The following SLC9A9 variants were observed in gnomAD, a reference collection of about 807,000 sequenced individuals.
The protein encoded by SLC9A9 is solute carrier family 9 member A9, also known as sodium/hydrogen exchanger 9.
A neutral mutation model predicts 77.8 loss-of-function variants in SLC9A9; 62 were observed. The ratio of observed to expected loss-of-function variants is 0.80; its 90% CI spans 0.65 to 0.98. SLC9A9 has a LOEUF of 0.98. Ranked by LOEUF, SLC9A9 falls within the 50% of genes least tolerant of loss-of-function variation. The probability of loss-of-function intolerance (pLI) is 0.00; values close to 1 mark genes in which losing one functional copy is unlikely to be tolerated. For missense variants in SLC9A9, 775 were observed against 774.9 expected, an observed-to-expected ratio of 1.00 and a Z score of 0.00; for synonymous variants, 320 against 283.5, an observed-to-expected ratio of 1.13 and a Z score of -1.29.
intron 5 of SLC9A9, among the ~76,000 whole-genome samples, chr3:143,664,454 G>C (rs1159422273): frequency 6.6e-6 from 1 of 152,196 alleles, no homozygotes; most frequent in Non-Finnish European, 1.5e-5. Flanking sequence ...ACATCATACT[G>C]ACAGGACCAA....
intron 4 of SLC9A9, among the ~76,000 whole-genome samples, chr3:143,702,095 A>C (rs773759622): frequency 5.3e-5 from 8 of 152,196 alleles, no homozygotes; most frequent in Non-Finnish European, 1.0e-4. Context: ...CAGGAGAAAT[A>C]AAGACTTTCT....
intron 5 of SLC9A9, among the ~76,000 whole-genome samples, chr3:143,680,158 A>G (rs1933038370): frequency 6.6e-6 from 1 of 152,172 alleles, no homozygotes; most frequent in Non-Finnish European, 1.5e-5. Flanking sequence ...AGAATAAAAA[A>G]GAAAATAACT....
chr3:143,667,001 CA>C (rs1405741285), intron 5 of SLC9A9, among the ~76,000 whole-genome samples: 5 of 151,998 alleles, frequency 3.3e-5, no homozygotes, highest in East Asian at 3.9e-4. Context: ...CATATGGAAC[CA>C]AAAAAGAGCC....
At chr3:143,773,134 A>T (rs773800541) in intron 4 of SLC9A9, among the ~76,000 whole-genome samples, 132 of 152,206 alleles carry the variant, frequency 8.7e-4, no homozygotes, top group Non-Finnish European at 1.7e-3. Flanking sequence ...GTTGTATATT[A>T]ATCTTCACTG....
intron 6 of SLC9A9, among the ~76,000 whole-genome samples, chr3:143,612,462 G>C (rs574041472): frequency 6.6e-6 from 1 of 152,248 alleles, no homozygotes; most frequent in African/African-American, 2.4e-5. Context: ...TGATCTTCAG[G>C]GTGGTACCCC....
At chr3:143,655,246 G>A (rs9822605) in intron 5 of SLC9A9, among the ~76,000 whole-genome samples, 78,840 of 151,988 alleles carry the variant, frequency 0.52, 20,525 homozygotes, top group Non-Finnish European at 0.54. Flanking sequence ...CAGCACCTCC[G>A]CAGGAGAGAA....
chr3:143,730,693 T>A (rs978492821), intron 4 of SLC9A9, among the ~76,000 whole-genome samples: 1 of 152,208 alleles, frequency 6.6e-6, no homozygotes, highest in Non-Finnish European at 1.5e-5. Context: ...ATTTCCAATT[T>A]ATCTTCATAA....
intron 2 of SLC9A9, among the ~76,000 whole-genome samples, chr3:143,805,972 G>T (rs1329550635): frequency 6.6e-6 from 1 of 152,048 alleles, no homozygotes; most frequent in Non-Finnish European, 1.5e-5. Flanking sequence ...TCTGCTCTTT[G>T]CTGGGTAATC....
chr3:143,750,657 A>G (rs1189604995), intron 4 of SLC9A9, among the ~76,000 whole-genome samples: 1 of 151,558 alleles, frequency 6.6e-6, no homozygotes, highest in Non-Finnish European at 1.5e-5. Flanking sequence ...CTTGTTGAGT[A>G]CTAATAACTG....
intron 14 of SLC9A9, among the ~76,000 whole-genome samples, chr3:143,304,167 T>C (rs1458732595): frequency 1.3e-5 from 2 of 152,212 alleles, no homozygotes; most frequent in African/African-American, 4.8e-5. Context: ...AACTTCATAA[T>C]AGGTCTGCTT....
chr3:143,788,939 A>G (rs541726387), intron 4 of SLC9A9, among the ~76,000 whole-genome samples: 1 of 152,278 alleles, frequency 6.6e-6, no homozygotes, highest in African/African-American at 2.4e-5. Context: ...TTTATTAACA[A>G]CCAAGGAAAT....
At chr3:143,681,386 CTT>C (rs1483399687) in intron 5 of SLC9A9, among the ~76,000 whole-genome samples, 2 of 152,084 alleles carry the variant, frequency 1.3e-5, no homozygotes, top group Non-Finnish European at 2.9e-5. Flanking sequence ...ATTTTATTCT[CTT>C]ATAATGTATC....
At position 143,490,543 on chromosome 3, in the gene SLC9A9, T is replaced by C. The variant is rs116551654; in HGVS notation, c.1315+3110A>G. Reference sequence around the variant, plus strand: ...GAGGGGGAATGAACTGTTCAATGGGTATAGAGTTTCAGTTTTACAAGACGA... The same window carrying C: ...GAGGGGGAATGAACTGTTCAATGGGCATAGAGTTTCAGTTTTACAAGACGA... On this transcript the variant is annotated intron_variant, in intron 11 of 15. Coordinates refer to ENST00000316549, the MANE Select transcript of SLC9A9 (RefSeq NM_173653.4). Among the ~76,000 whole-genome samples the C allele has an allele frequency of 7.0e-3, 1,066 of 152,184 alleles. 7 individuals are homozygous for C. The highest frequency in any genetic ancestry group is 0.012 in the Non-Finnish European group (791 of 67,978).
chr3:143,395,172 G>A (rs2033695515), intron 12 of SLC9A9, among the ~76,000 whole-genome samples: 1 of 152,168 alleles, frequency 6.6e-6, no homozygotes, highest in African/African-American at 2.4e-5. Flanking sequence ...CAAAGCTGGA[G>A]GCATCATGCT....
chr3:143,383,639 T>C (rs1411994966), intron 12 of SLC9A9, among the ~76,000 whole-genome samples: 1 of 152,110 alleles, frequency 6.6e-6, no homozygotes, highest in Non-Finnish European at 1.5e-5. Context: ...AACTCAAACT[T>C]CCTCTGTTTC....
Position 143,518,108 on chromosome 3 carries a change from T to C in SLC9A9, c.1090-22660A>G, listed in dbSNP as rs943904201. ...AGCTTTCTGAGTAGCAGGTGGTACT[T>C]TACCTCCCATGCTCTCCACCCACTC... On this transcript the variant is annotated intron_variant, in intron 9 of 15. Coordinates refer to ENST00000316549, the MANE Select transcript of SLC9A9 (RefSeq NM_173653.4). 1.9e-6 allele frequency: 3 copies of C among 1,592,412 alleles called. No individual in the cohort carries two copies. The African/African-American group carries it at 4.0e-5, about 21-fold the overall frequency.
chr3:143,289,092 C>T (rs1282861650), intron 14 of SLC9A9, among the ~76,000 whole-genome samples: 3 of 152,182 alleles, frequency 2.0e-5, no homozygotes, highest in African/African-American at 7.2e-5. Flanking sequence ...GGACTGAGAC[C>T]ACCTGATGAC....
chr3:143,788,421 TG>T (rs2008118854), intron 4 of SLC9A9, among the ~76,000 whole-genome samples: 1 of 152,310 alleles, frequency 6.6e-6, no homozygotes, highest in African/African-American at 2.4e-5. Flanking sequence ...CTGGGCATGG[TG>T]GCTCACGCCT....
At chr3:143,837,102 A>C (rs892182739) in intron 1 of SLC9A9, among the ~76,000 whole-genome samples, 5 of 152,166 alleles carry the variant, frequency 3.3e-5, no homozygotes, top group African/African-American at 1.2e-4. Context: ...AATAAAGCAG[A>C]TTTCAGAATG....
Sources: gnomAD v4.1 joint callset for allele counts (sites outside exome capture counted in the v4.1 genomes callset) on GRCh38, gnomAD v4.1.1 for gene constraint, MANE v1.5 for transcripts, NCBI Gene and HGNC (gene_info 2026-07-23, HGNC 2026-07-21) for gene names.